CDK14: variants seen among roughly 807,000 people sequenced by gnomAD.
CDK14 encodes the protein cyclin-dependent kinase 14.
CDK14 carries 34 observed loss-of-function variants against 60.7 expected under a neutral mutation model. That is an observed-to-expected ratio of 0.56 (90% CI 0.43 to 0.75). The LOEUF (loss-of-function observed/expected upper bound fraction) is 0.75. CDK14 is among the 30% of genes least tolerant of loss of function. CDK14 has a pLI of 0.00. For missense variants in CDK14, 482 were observed against 564.1 expected (o/e 0.85, Z 1.47); for synonymous variants, 197 against 203.7 (o/e 0.97, Z 0.28).
intron 12 of CDK14, among the ~76,000 whole-genome samples, chr7:91,091,825 T>C (rs1342980405): frequency 6.6e-6 from 1 of 152,014 alleles, no homozygotes; most frequent in Admixed American, 6.6e-5. Context: ...TTCATTTCTT[T>C]AAATACTTCC....
At chr7:90,895,591 T>C (rs950479078) in intron 6 of CDK14, among the ~76,000 whole-genome samples, 4 of 124,032 alleles carry the variant, frequency 3.2e-5, no homozygotes, top group Non-Finnish European at 5.1e-5. Context: ...GACAGAGTCT[T>C]GCTCTGTCTC....
At chr7:90,753,907 G>A (rs1221428683) in intron 4 of CDK14, among the ~76,000 whole-genome samples, 3 of 152,132 alleles carry the variant, frequency 2.0e-5, no homozygotes, top group Admixed American at 6.6e-5. Context: ...AAAGGCCTAG[G>A]AAAATGTCTA....
chr7:90,680,842 G>A (rs2116559572), intron 2 of CDK14, among the ~76,000 whole-genome samples: 1 of 152,264 alleles, frequency 6.6e-6, no homozygotes, highest in African/African-American at 2.4e-5. Context: ...TCACAAATTA[G>A]AAAATGAAAG....
chr7:90,994,845 TGAG>T (rs931129886), intron 10 of CDK14, among the ~76,000 whole-genome samples: 13 of 152,156 alleles, frequency 8.5e-5, no homozygotes, highest in Non-Finnish European at 1.3e-4. Flanking sequence ...CTGAGGCAAG[TGAG>T]GAGGTGGTGA....
chr7:91,057,350 T>C (rs1797608540), intron 11 of CDK14, among the ~76,000 whole-genome samples: 1 of 152,188 alleles, frequency 6.6e-6, no homozygotes, highest in Non-Finnish European at 1.5e-5. Context: ...TCCGATGCTG[T>C]AGGTTGCCTG....
At chr7:90,639,564 G>T (rs1053221907) in intron 2 of CDK14, among the ~76,000 whole-genome samples, 42 of 151,866 alleles carry the variant, frequency 2.8e-4, no homozygotes, top group African/African-American at 9.4e-4. Context: ...CAGTTAGGCT[G>T]CTCGGGGGTC....
intron 13 of CDK14, 118 bp downstream of exon 13, chr7:91,112,799 T>TC: frequency 1.1e-5 from 11 of 962,300 alleles, no homozygotes; most frequent in Non-Finnish European, 1.6e-5. Context: ...CATAAGATAA[T>TC]GTATGTTTGT....
chr7:91,015,281 G>A (rs1001282578), intron 10 of CDK14, among the ~76,000 whole-genome samples: 5 of 151,986 alleles, frequency 3.3e-5, no homozygotes, highest in Non-Finnish European at 7.4e-5. Context: ...GACACTCCCT[G>A]TTTTCACTCC....
chr7:90,653,187 C>T (rs575582020), intron 2 of CDK14, among the ~76,000 whole-genome samples: 1 of 152,136 alleles, frequency 6.6e-6, no homozygotes, highest in East Asian at 1.9e-4. Flanking sequence ...CTGTACACCT[C>T]CCACTCCCCC....
Position 91,066,470 on chromosome 7 carries a change from C to T in CDK14, c.1106-12962C>T, listed in dbSNP as rs189493562. 2.3e-4 allele frequency among the ~76,000 whole-genome samples: 35 copies of T among 152,238 alleles called. No homozygotes were observed. The Middle Eastern group carries it at 0.014, about 59-fold the overall frequency. On this transcript the variant is annotated intron_variant, in intron 11 of 14. Coordinates refer to ENST00000380050, the MANE Select transcript of CDK14 (RefSeq NM_001287135.2). ...TTATTGGTTGTTTGAACTTTTTATT[C>T]ATGTCTTTCTGTCATTGAAGTTAAA...
intron 2 of CDK14, among the ~76,000 whole-genome samples, chr7:90,680,403 C>T (rs1440434499): frequency 1.3e-5 from 2 of 152,080 alleles, no homozygotes; most frequent in Admixed American, 6.6e-5. Context: ...TAAATTTTTG[C>T]ATTCATAACA....
At chr7:91,197,929 A>C (rs1802597565) in intron 14 of CDK14, among the ~76,000 whole-genome samples, 1 of 152,228 alleles carries the variant, frequency 6.6e-6, no homozygotes, top group Non-Finnish European at 1.5e-5. Flanking sequence ...GGATGAATTC[A>C]GTGATTTGTC....
chr7:90,706,675 G>A (rs1801902978), intron 2 of CDK14, among the ~76,000 whole-genome samples: 1 of 152,132 alleles, frequency 6.6e-6, no homozygotes, highest in Non-Finnish European at 1.5e-5. Context: ...GTCAGCCAAG[G>A]GGTTATCTGG....
At chr7:91,157,066 G>C (rs201925440) in intron 14 of CDK14, among the ~76,000 whole-genome samples, 1 of 152,216 alleles carries the variant, frequency 6.6e-6, no homozygotes, top group Admixed American at 6.5e-5. Flanking sequence ...CGTGGAAAAA[G>C]AGTTGGGAAT....
intron 2 of CDK14, among the ~76,000 whole-genome samples, chr7:90,649,240 C>CTTTCTTTGTTTCTTTG (rs879694894): frequency 3.3e-5 from 1 of 30,254 alleles, no homozygotes; most frequent in East Asian, 9.0e-4. Flanking sequence ...CCTATAGTTT[C>CTTTCTTTGTTTCTTTG]TTTCTTTCTT....
chr7:90,744,689 G>A (rs1173979886), intron 3 of CDK14, among the ~76,000 whole-genome samples: 12 of 140,326 alleles, frequency 8.6e-5, no homozygotes, highest in African/African-American at 1.4e-4. Context: ...GGGCAGAGGG[G>A]CTCCTCACTT....
At chr7:90,840,250 G>C (rs1323336483) in intron 5 of CDK14, among the ~76,000 whole-genome samples, 1 of 152,178 alleles carries the variant, frequency 6.6e-6, no homozygotes, top group Non-Finnish European at 1.5e-5. Context: ...TGCGGTGTGT[G>C]CAGTTTTCTG....
intron 10 of CDK14, among the ~76,000 whole-genome samples, chr7:91,030,947 C>T (rs902363892): frequency 4.6e-5 from 7 of 152,192 alleles, no homozygotes; most frequent in Non-Finnish European, 1.0e-4. Flanking sequence ...TGTCCTGCTG[C>T]CTGGTCTGCT....
intron 14 of CDK14, among the ~76,000 whole-genome samples, chr7:91,149,136 G>A (rs900572680): frequency 2.0e-5 from 3 of 152,168 alleles, no homozygotes; most frequent in Admixed American, 6.5e-5. Flanking sequence ...TGAGTACATA[G>A]CCCTTGAAGA....
Sources: allele counts gnomAD v4.1 joint callset (sites outside exome capture counted in the v4.1 genomes callset), GRCh38; gene constraint gnomAD v4.1.1; transcripts MANE v1.5; gene names NCBI Gene and HGNC (gene_info 2026-07-23, HGNC 2026-07-21).